Variants in C10orf90 observed in about 807,000 individuals in gnomAD.
C10orf90 encodes chromosome 10 open reading frame 90.
In C10orf90, 56 loss-of-function variants were observed where a neutral mutation model predicts 62.5. That is an observed-to-expected ratio of 0.90 (90% CI 0.72 to 1.12). C10orf90 has a LOEUF of 1.12. Ranked by LOEUF, C10orf90 falls within the 50% of genes most tolerant of loss-of-function variation. C10orf90 has a pLI of 0.00. For synonymous variants in C10orf90, 386 were observed against 340.4 expected (o/e 1.13, Z -1.47); for missense variants, 970 against 880.4 (o/e 1.10, Z -1.29).
rs1862936684 is a variant in C10orf90 at position 126,509,031 on chromosome 10, G to A, written c.406-3946C>T. 1.3e-5 allele frequency among the ~76,000 whole-genome samples: 2 copies of A among 152,210 alleles called. 1 individual carries two copies. The highest frequency in any genetic ancestry group is 4.1e-4 in the South Asian group (2 of 4,830). On this transcript the variant is annotated intron_variant, in intron 3 of 9. Coordinates refer to ENST00000488181, the MANE Select transcript of C10orf90 (RefSeq NM_001350921.2). ...GAGGGATGCCCCCAGGCTGTGCTGA[G>A]GGGCTGCAGGCCGGTACATCCCTCC...
chr10:126,510,339 C>T (rs549635552), intron 3 of C10orf90, among the ~76,000 whole-genome samples: 2 of 152,096 alleles, frequency 1.3e-5, no homozygotes, highest in Non-Finnish European at 2.9e-5. Context: ...CTAAGTCAGC[C>T]GACTACTTTT....
intron 4 of C10orf90, among the ~76,000 whole-genome samples, chr10:126,495,336 C>T (rs7080706): frequency 6.6e-6 from 1 of 151,848 alleles, no homozygotes; most frequent in Non-Finnish European, 1.5e-5. Context: ...GTTTTGAAAA[C>T]GTACCCCACC....
intron 2 of C10orf90, among the ~76,000 whole-genome samples, chr10:126,599,190 T>A (rs1564887217): frequency 6.7e-6 from 1 of 149,302 alleles, no homozygotes; most frequent in Non-Finnish European, 1.5e-5. Context: ...TCCTTTTTTT[T>A]TTTTTTTTTT....
intron 2 of C10orf90, among the ~76,000 whole-genome samples, chr10:126,620,035 TA>T (rs1428278373): frequency 6.6e-6 from 1 of 152,158 alleles, no homozygotes; most frequent in Admixed American, 6.5e-5. Context: ...ATATATATCA[TA>T]GATATAAATT....
At chr10:126,557,854 T>A (rs1054117015) in intron 2 of C10orf90, among the ~76,000 whole-genome samples, 1 of 151,864 alleles carries the variant, frequency 6.6e-6, no homozygotes, top group Non-Finnish European at 1.5e-5. Flanking sequence ...ACTTTGACCA[T>A]CGAGATGAGT....
Position 126,633,194 on chromosome 10 carries a change from C to T in C10orf90, c.313+13371G>A, listed in dbSNP as rs114703776. ...AGGTTCTGCAGGCATTTTCCATCCT[C>T]CCTCCATCAACTGCCCAAAGACCTA... is the stretch of plus-strand genomic sequence containing the variant. On this transcript the variant is annotated intron_variant, in intron 2 of 9. Transcript: ENST00000488181. Among the ~76,000 whole-genome samples, 620 of 152,332 alleles carry T rather than the reference C, an allele frequency of 4.1e-3. 6 individuals are homozygous for T. The highest frequency in any genetic ancestry group is 0.014 in the African/African-American group (568 of 41,576).
chr10:126,588,424 G>A (rs1844916185), intron 2 of C10orf90, among the ~76,000 whole-genome samples: 1 of 152,160 alleles, frequency 6.6e-6, no homozygotes, highest in Non-Finnish European at 1.5e-5. Flanking sequence ...TCCTACAGGA[G>A]TGTTCCAGCC....
chr10:126,573,850 C>A (rs1591111721), intron 2 of C10orf90, among the ~76,000 whole-genome samples: 2 of 152,198 alleles, frequency 1.3e-5, no homozygotes, highest in African/African-American at 2.4e-5. Flanking sequence ...TTTAACCCTG[C>A]ATAAACAGTG....
At chr10:126,528,805 C>T (rs1184520065) in intron 2 of C10orf90, among the ~76,000 whole-genome samples, 1 of 152,212 alleles carries the variant, frequency 6.6e-6, no homozygotes, top group African/African-American at 2.4e-5. Context: ...GTTCTCTGTG[C>T]ACCAGACAAC....
At chr10:126,658,073 G>T (rs1846432762) in intron 1 of C10orf90, among the ~76,000 whole-genome samples, 1 of 152,204 alleles carries the variant, frequency 6.6e-6, no homozygotes, top group South Asian at 2.1e-4. Flanking sequence ...CTGGGTGTGG[G>T]AGTTCAGGAA....
chr10:126,431,522 T>C (rs1857566584), intron 7 of C10orf90, among the ~76,000 whole-genome samples: 2 of 152,126 alleles, frequency 1.3e-5, no homozygotes, highest in South Asian at 4.1e-4. Context: ...AAAAAGGAAA[T>C]GTCAGCTTCC....
In C10orf90 at chr10:126,544,122, T is replaced by C. The variant is rs1864436924; in HGVS notation, c.314-30183A>G. ...GTGAAATCTTACAATTTTTTAATAT[T>C]GTCAACTAACTCAAAGTAAATGACA... On this transcript the variant is annotated intron_variant, in intron 2 of 9. Transcript: ENST00000488181. Among the ~76,000 whole-genome samples, 3 of 152,236 alleles carry C rather than the reference T, an allele frequency of 2.0e-5. No homozygotes were observed. The South Asian group carries it at 6.2e-4, about 31-fold the overall frequency.
chr10:126,492,561 G>A (rs1288257550), intron 4 of C10orf90, among the ~76,000 whole-genome samples: 1 of 152,122 alleles, frequency 6.6e-6, no homozygotes, highest in Non-Finnish European at 1.5e-5. Context: ...GTAAAATACA[G>A]GTTATTTTCA....
intron 2 of C10orf90, among the ~76,000 whole-genome samples, chr10:126,584,039 G>A (rs1844807534): frequency 6.6e-6 from 1 of 152,084 alleles, no homozygotes; most frequent in Non-Finnish European, 1.5e-5. Context: ...AAAATCACCT[G>A]AGCCCAGGAA....
intron 2 of C10orf90, among the ~76,000 whole-genome samples, chr10:126,595,112 A>G (rs1845058354): frequency 6.6e-6 from 1 of 152,232 alleles, no homozygotes; most frequent in African/African-American, 2.4e-5. Context: ...AAGGATTTCC[A>G]GAAGTCTTTA....
intron 1 of C10orf90, among the ~76,000 whole-genome samples, chr10:126,654,005 C>G (rs1052780860): frequency 6.6e-6 from 1 of 152,018 alleles, no homozygotes; most frequent in African/African-American, 2.4e-5. Context: ...TAACAGTGGG[C>G]TTAAAATAGT....
chr10:126,619,325 A>G (rs1333939302), intron 2 of C10orf90, among the ~76,000 whole-genome samples: 1 of 152,190 alleles, frequency 6.6e-6, no homozygotes, highest in Non-Finnish European at 1.5e-5. Context: ...GTGTTGAATC[A>G]CTTGGCATAG....
Position 126,666,698 on chromosome 10 carries a change from G to A in C10orf90, c.240+3543C>T, listed in dbSNP as rs374862838. ...AGTTCTTTAAAAAGTTCACTATGAG[G>A]CCAGGCACGGTGGCTCACACCTGTA... On this transcript the variant is annotated intron_variant, in intron 1 of 9. Coordinates refer to ENST00000488181, the MANE Select transcript of C10orf90 (RefSeq NM_001350921.2). Among the ~76,000 whole-genome samples the A allele has an allele frequency of 2.0e-5, 3 of 152,008 alleles. No homozygotes were observed. In the East Asian group the frequency reaches 5.8e-4, roughly 30 times the overall value.
At chr10:126,466,841 CT>C (rs1204481563) in intron 4 of C10orf90, among the ~76,000 whole-genome samples, 1 of 152,210 alleles carries the variant, frequency 6.6e-6, no homozygotes, top group Non-Finnish European at 1.5e-5. Flanking sequence ...GTTTGACTAC[CT>C]ATTATAAAGT....
Sources: gnomAD v4.1 joint callset for allele counts (sites outside exome capture counted in the v4.1 genomes callset) on GRCh38, gnomAD v4.1.1 for gene constraint, MANE v1.5 for transcripts, NCBI Gene and HGNC (gene_info 2026-07-23, HGNC 2026-07-21) for gene names.